Variants in RUBCNL observed in about 807,000 individuals in gnomAD.
RUBCNL encodes the protein rubicon like autophagy enhancer, also known as protein associated with UVRAG as autophagy enhancer.
RUBCNL carries 62 observed loss-of-function variants against 69.5 expected under a neutral mutation model. The observed-to-expected ratio is 0.89, with a 90% CI of 0.73 to 1.10. The LOEUF (loss-of-function observed/expected upper bound fraction) is 1.10, where lower values mean the gene tolerates loss of function less well. Ranked by LOEUF, RUBCNL falls within the 50% of genes least tolerant of loss-of-function variation. The pLI is 0.00. For synonymous variants in RUBCNL, 291 were observed against 303.6 expected (o/e 0.96, Z 0.43); for missense variants, 768 against 798.1 (o/e 0.96, Z 0.45).
At chr13:46,345,339 C>T (rs2048222442) in intron 13 of RUBCNL, 108 bp downstream of exon 13, 2 of 1,325,598 alleles carry the variant, frequency 1.5e-6, no homozygotes, top group Non-Finnish European at 2.0e-6. Context: ...CTAACTAGGT[C>T]ACCGGCACTT....
At chr13:46,358,790 G>T (rs938651422) in intron 9 of RUBCNL, among the ~76,000 whole-genome samples, 9 of 151,934 alleles carry the variant, frequency 5.9e-5, no homozygotes, top group African/African-American at 2.2e-4. Flanking sequence ...CCTGACATCA[G>T]GTGATCCCTG....
chr13:46,386,546 G>A (rs956529025), intron 1 of RUBCNL, among the ~76,000 whole-genome samples: 27 of 151,818 alleles, frequency 1.8e-4, no homozygotes, highest in Non-Finnish European at 3.1e-4. Flanking sequence ...GACTTCACAA[G>A]GGGCGGGTTG....
chr13:46,351,828 C>CTT (rs57329384), intron 10 of RUBCNL, among the ~76,000 whole-genome samples: 9 of 129,776 alleles, frequency 6.9e-5, no homozygotes, highest in Admixed American at 8.1e-5. Context: ...GCTCTTTACA[C>CTT]TTTTTTTTTT....
chr13:46,380,310 C>T (rs947381816), intron 1 of RUBCNL, among the ~76,000 whole-genome samples: 7 of 152,194 alleles, frequency 4.6e-5, no homozygotes, highest in South Asian at 4.1e-4. Context: ...CTGCATATGA[C>T]GCCCTTCCCA....
At position 46,341,328 on chromosome 13, in the gene RUBCNL, A is replaced by T. The variant is rs2048140509; in HGVS notation, c.*2057T>A. 6.6e-6 allele frequency among the ~76,000 whole-genome samples: 1 copy of T among 152,202 alleles called. No individual in the cohort carries two copies. Among genetic ancestry groups the T allele is most frequent in the Admixed American group, 6.5e-5 (1 of 15,284 alleles). ...ACACAATCAGGAAGACCCATTAAAC[A>T]GCTATATATGCCACAACTAATTACT... is the stretch of plus-strand genomic sequence containing the variant. On this transcript the variant is annotated 3_prime_UTR_variant, in exon 15 of 15. Coordinates refer to ENST00000429979, the MANE Select transcript of RUBCNL (RefSeq NM_025113.5).
At chr13:46,362,941 T>TATATATAG (rs2048655499) in intron 6 of RUBCNL, among the ~76,000 whole-genome samples, 174 bp downstream of exon 6, 1 of 52,380 alleles carries the variant, frequency 1.9e-5, no homozygotes, top group South Asian at 5.2e-4. Context: ...TATATATAGA[T>TATATATAG]ATATATATAT....
chr13:46,352,697 G>C (rs1280525837), intron 10 of RUBCNL, among the ~76,000 whole-genome samples: 1 of 152,182 alleles, frequency 6.6e-6, no homozygotes, highest in African/African-American at 2.4e-5. Flanking sequence ...CCTGCTACTT[G>C]GGAGGCTGAG....
intron 2 of RUBCNL, among the ~76,000 whole-genome samples, chr13:46,375,926 T>C (rs2048982746): frequency 6.6e-6 from 1 of 152,218 alleles, no homozygotes; most frequent in South Asian, 2.1e-4. Flanking sequence ...AACGCCTCTT[T>C]TTCCTCTCTT....
rs998590954 is a variant in RUBCNL at position 46,339,445 on chromosome 13, T to G, written c.*3940A>C. ...CATCTGACGGTGGCTAAGCCAGCCA[T>G]GCAGGCTCAGACCTGGGGGCAGAAA... On this transcript the variant is annotated 3_prime_UTR_variant, in exon 15 of 15. Transcript: ENST00000429979. 6.6e-6 allele frequency among the ~76,000 whole-genome samples: 1 copy of G among 152,180 alleles called. No individual in the cohort carries two copies. Among genetic ancestry groups the G allele is most frequent in the Non-Finnish European group, 1.5e-5 (1 of 68,028 alleles).
chr13:46,352,263 A>G (rs2048385725), intron 10 of RUBCNL, among the ~76,000 whole-genome samples: 1 of 152,250 alleles, frequency 6.6e-6, no homozygotes, highest in South Asian at 2.1e-4. Flanking sequence ...TCAGAAAGAA[A>G]ACAATTCAGT....
rs1437432018 is a variant in RUBCNL, at chr13:46,339,378, C to A, written c.*4007G>T. Among the ~76,000 whole-genome samples, 2 of 152,202 alleles carry A rather than the reference C, an allele frequency of 1.3e-5. No individual in the cohort carries two copies. Among genetic ancestry groups the A allele is most frequent in the African/African-American group, 4.8e-5 (2 of 41,436 alleles). On this transcript the variant is annotated 3_prime_UTR_variant, in exon 15 of 15. Transcript: ENST00000429979. The stretch of plus-strand genomic sequence containing the variant: ...ACGCTTCTAAAAATGACACACTTCA[C>A]CCTCCTTTGGCGATGAGTTCAGGAA...
At chr13:46,369,104 C>T (rs1451704260) in intron 3 of RUBCNL, among the ~76,000 whole-genome samples, 1 of 152,178 alleles carries the variant, frequency 6.6e-6, no homozygotes, top group Non-Finnish European at 1.5e-5. Flanking sequence ...GAATAGGGTC[C>T]TGGGAAATCC....
intron 9 of RUBCNL, among the ~76,000 whole-genome samples, chr13:46,358,681 G>T (rs2048543752): frequency 6.6e-6 from 1 of 152,124 alleles, no homozygotes; most frequent in South Asian, 2.1e-4. Context: ...AGCCTCCCGA[G>T]TAGCTGGGAT....
rs2138658336 is a variant in RUBCNL at position 46,342,344 on chromosome 13, G to T, written c.*1041C>A. On this transcript the variant is annotated 3_prime_UTR_variant, in exon 15 of 15. Transcript: ENST00000429979. ...CAGGGAATGTAATGCCCAAGCCCTA[G>T]GTTGCAAACCGTTCAGTCTAAAGGT... The T allele has an allele frequency of 6.6e-6, 1 of 152,260 alleles. No homozygotes were observed. The highest frequency in any genetic ancestry group is 2.4e-5 in the African/African-American group (1 of 41,560). 9.4% of individuals were successfully genotyped at this position (152,260 alleles called of 1,614,324 possible).
At chr13:46,372,620 CA>C in intron 2 of RUBCNL, 23 bp from the exon 3 acceptor site, 1 of 1,429,018 alleles carries the variant, frequency 7.0e-7, no homozygotes, top group East Asian at 2.5e-5. Context: ...AGGAATCATT[CA>C]AAATAAGTAA....
At position 46,337,238 on chromosome 13, in the gene RUBCNL, G is replaced by C. The variant is rs1243453917; in HGVS notation, c.*6147C>G. On this transcript the variant is annotated 3_prime_UTR_variant, in exon 15 of 15. Transcript: ENST00000429979. ...GCTCACCGCAACCTTCAACTCCCTG[G>C]TTCAAGCGATTCTTCTGCCTCAGCC... Among the ~76,000 whole-genome samples, 3 of 152,122 alleles carry C rather than the reference G, an allele frequency of 2.0e-5. No homozygotes were observed. The highest frequency in any genetic ancestry group is 2.1e-4 in the South Asian group (1 of 4,826).
At chr13:46,388,209 A>AG (rs1233970445), upstream of RUBCNL, among the ~76,000 whole-genome samples, 3 of 149,132 alleles carry the variant, frequency 2.0e-5, no homozygotes, top group Non-Finnish European at 4.5e-5. Context: ...CAAAAAAAAA[A>AG]AAAAAAAAAA....
At chr13:46,384,265 A>G (rs951916090) in intron 1 of RUBCNL, among the ~76,000 whole-genome samples, 1 of 152,252 alleles carries the variant, frequency 6.6e-6, no homozygotes, top group African/African-American at 2.4e-5. Context: ...AAAAACTTCT[A>G]AGAATCATTT....
At chr13:46,383,143 CTA>C (rs2049157764) in intron 1 of RUBCNL, among the ~76,000 whole-genome samples, 1 of 152,154 alleles carries the variant, frequency 6.6e-6, no homozygotes, top group Admixed American at 6.5e-5. Context: ...TTGTACTATT[CTA>C]TGTTTAAGTT....
Sources: allele counts gnomAD v4.1 joint callset (sites outside exome capture counted in the v4.1 genomes callset), GRCh38; gene constraint gnomAD v4.1.1; transcripts MANE v1.5; gene names NCBI Gene and HGNC (gene_info 2026-07-23, HGNC 2026-07-21).